KLHL20: variants seen among roughly 807,000 people sequenced by gnomAD.
KLHL20 encodes the protein kelch-like protein 20.
Under a neutral mutation model 69.5 loss-of-function variants are expected in KLHL20, and 29 were observed. That is an observed-to-expected ratio of 0.42 (90% CI 0.31 to 0.57). The LOEUF (loss-of-function observed/expected upper bound fraction) is 0.57. Ranked by LOEUF, KLHL20 falls within the 20% of genes least tolerant of loss-of-function variation. The probability of loss-of-function intolerance (pLI) is 0.18; values close to 1 mark genes in which losing one functional copy is unlikely to be tolerated. For missense variants in KLHL20, 419 were observed against 776.0 expected, an observed-to-expected ratio of 0.54 and a Z score of 5.47; for synonymous variants, 253 against 265.2, an observed-to-expected ratio of 0.95 and a Z score of 0.45.
chr1:173,727,737 GCTC>G (rs1299852511), intron 2 of KLHL20, among the ~76,000 whole-genome samples: 1 of 152,138 alleles, frequency 6.6e-6, no homozygotes, highest in East Asian at 1.9e-4. Context: ...CCCGAAAAGA[GCTC>G]CTGAAGGAGG....
chr1:173,775,155 C>T (rs774533953), intron 9 of KLHL20, among the ~76,000 whole-genome samples: 3 of 152,062 alleles, frequency 2.0e-5, no homozygotes, highest in Non-Finnish European at 4.4e-5. Flanking sequence ...GTATTTTTGC[C>T]TAAGGATATT....
intron 2 of KLHL20, among the ~76,000 whole-genome samples, chr1:173,726,584 T>G (rs1671974430): frequency 6.6e-6 from 1 of 152,186 alleles, no homozygotes; most frequent in Admixed American, 6.5e-5. Flanking sequence ...CAACATTTGT[T>G]GTTCACCAAT....
chr1:173,757,376 C>G (rs930945634), intron 7 of KLHL20, among the ~76,000 whole-genome samples: 1 of 152,190 alleles, frequency 6.6e-6, no homozygotes, highest in African/African-American at 2.4e-5. Flanking sequence ...CCTAAGCATG[C>G]TACTACAGAC....
intron 2 of KLHL20, among the ~76,000 whole-genome samples, chr1:173,726,626 C>A (rs1671977050): frequency 6.6e-6 from 1 of 152,180 alleles, no homozygotes; most frequent in African/African-American, 2.4e-5. Flanking sequence ...GCAGCTGATA[C>A]CCTGGCAAAC....
intron 6 of KLHL20, 86 bp downstream of exon 6, chr1:173,756,124 T>C: frequency 2.2e-6 from 2 of 908,194 alleles, no homozygotes; most frequent in Non-Finnish European, 3.5e-6. Context: ...ACAATTATGA[T>C]ATTTACTGTC....
chr1:173,732,604 C>T (rs767676508), intron 2 of KLHL20, among the ~76,000 whole-genome samples: 18 of 152,130 alleles, frequency 1.2e-4, no homozygotes, highest in Non-Finnish European at 2.1e-4. Flanking sequence ...TTTAATGCTT[C>T]TTATGAGGCA....
chr1:173,762,829 C>G (rs1647396246), intron 7 of KLHL20, among the ~76,000 whole-genome samples: 1 of 152,036 alleles, frequency 6.6e-6, no homozygotes, highest in African/African-American at 2.4e-5. Flanking sequence ...ACAAGGATGC[C>G]CACTCTCACC....
intron 2 of KLHL20, 33 bp downstream of exon 2, chr1:173,716,099 C>T (rs762352183): frequency 1.2e-6 from 2 of 1,606,364 alleles, no homozygotes; most frequent in South Asian, 2.2e-5. Flanking sequence ...TTTGGTTTCA[C>T]TGATTAAAAT....
intron 7 of KLHL20, among the ~76,000 whole-genome samples, chr1:173,762,084 C>T (rs1490396125): frequency 1.3e-5 from 2 of 152,068 alleles, no homozygotes; most frequent in Non-Finnish European, 2.9e-5. Context: ...TTCAAGGCTA[C>T]TATGAACACC....
chr1:173,718,208 G>T (rs778608376), intron 2 of KLHL20, among the ~76,000 whole-genome samples: 2 of 151,892 alleles, frequency 1.3e-5, no homozygotes, highest in African/African-American at 4.8e-5. Context: ...GATTACAGGC[G>T]TGAGCCACCA....
At chr1:173,748,084 TGAA>T (rs1454771215) in intron 3 of KLHL20, among the ~76,000 whole-genome samples, 1 of 151,966 alleles carries the variant, frequency 6.6e-6, no homozygotes, top group Non-Finnish European at 1.5e-5. Context: ...GCAAATTCTC[TGAA>T]GAAAACACAA....
At chr1:173,726,056 C>T (rs1457109896) in intron 2 of KLHL20, among the ~76,000 whole-genome samples, 3 of 152,140 alleles carry the variant, frequency 2.0e-5, no homozygotes, top group Non-Finnish European at 2.9e-5. Context: ...CTTAATACTG[C>T]GCTTTTCCAA....
chr1:173,717,772 C>T (rs1169782163), intron 2 of KLHL20, among the ~76,000 whole-genome samples: 1 of 151,952 alleles, frequency 6.6e-6, no homozygotes, highest in East Asian at 1.9e-4. Context: ...TGCAGACTTT[C>T]CCCCTCCAAA....
chr1:173,745,170 C>CTTTTTTTTTTTTTT (rs796578983), intron 3 of KLHL20, among the ~76,000 whole-genome samples: 14 of 115,532 alleles, frequency 1.2e-4, no homozygotes, highest in East Asian at 2.6e-4. Context: ...TTTCTTTTTT[C>CTTTTTTTTTTTTTT]TTTTTTTTTT....
chr1:173,731,127 C>T (rs1480800422), intron 2 of KLHL20, among the ~76,000 whole-genome samples: 3 of 152,132 alleles, frequency 2.0e-5, no homozygotes, highest in Admixed American at 6.6e-5. Flanking sequence ...TGCTCATCAT[C>T]ACTGGCCATC....
At chr1:173,758,126 T>G (rs997684445) in intron 7 of KLHL20, among the ~76,000 whole-genome samples, 11 of 151,766 alleles carry the variant, frequency 7.2e-5, no homozygotes, top group African/African-American at 2.7e-4. Flanking sequence ...AAAAATTTAC[T>G]AGTTGTAGTG....
At chr1:173,747,691 A>G (rs537093897) in intron 3 of KLHL20, among the ~76,000 whole-genome samples, 1 of 152,094 alleles carries the variant, frequency 6.6e-6, no homozygotes, top group East Asian at 1.9e-4. Context: ...ATTTTTATAA[A>G]TAGTACCTGA....
At chr1:173,726,344 G>A (rs1295381145) in intron 2 of KLHL20, among the ~76,000 whole-genome samples, 1 of 150,894 alleles carries the variant, frequency 6.6e-6, no homozygotes, top group African/African-American at 2.4e-5. Flanking sequence ...AAAAAAAAAA[G>A]GCAGCAGAAA....
intron 10 of KLHL20, among the ~76,000 whole-genome samples, chr1:173,780,242 G>T (rs543455037): frequency 1.9e-4 from 29 of 152,302 alleles, no homozygotes; most frequent in Admixed American, 7.2e-4. Context: ...AAGCAAAAAT[G>T]AGTATGGCAT....
Sources: gnomAD v4.1 joint callset for allele counts (sites outside exome capture counted in the v4.1 genomes callset) on GRCh38, gnomAD v4.1.1 for gene constraint, MANE v1.5 for transcripts, NCBI Gene and HGNC (gene_info 2026-07-23, HGNC 2026-07-21) for gene names.